The following EVI5L variants were observed in gnomAD, a reference collection of about 807,000 sequenced individuals.
EVI5L encodes ecotropic viral integration site 5 like.
In EVI5L, 30 loss-of-function variants were observed where a neutral mutation model predicts 106.1. The observed-to-expected ratio is 0.28, with a 90% CI of 0.21 to 0.38. EVI5L has a LOEUF of 0.38. Among genes scored for constraint, EVI5L ranks in the 10% least tolerant of loss-of-function variants. The pLI is 1.00. For missense variants in EVI5L, 809 were observed against 1,098.0 expected (o/e 0.74, Z 3.72); for synonymous variants, 489 against 483.3 (o/e 1.01, Z -0.15).
chr19:7,847,175 T>G (rs567231166), intron 2 of EVI5L, among the ~76,000 whole-genome samples: 1 of 152,040 alleles, frequency 6.6e-6, no homozygotes, highest in Non-Finnish European at 1.5e-5. Flanking sequence ...GCCTGTAATC[T>G]CAGCTACTTG....
At position 7,845,965 on chromosome 19, in the gene EVI5L, C is replaced by T. The variant is rs754366747; in HGVS notation, c.-47-531C>T. ...TTGGCAGCGCCAGACAATTAACAGTCGAAAGTAATTGCTCTTGGCCGTGCC... is the reference window on the plus strand; with the variant it reads ...TTGGCAGCGCCAGACAATTAACAGTTGAAAGTAATTGCTCTTGGCCGTGCC... On this transcript the variant is annotated intron_variant, in intron 1 of 19. Coordinates refer to ENST00000538904, the MANE Select transcript of EVI5L (RefSeq NM_001159944.3). The surrounding 1 kb of genome is among the most constrained non-coding windows in gnomAD (Gnocchi z 4.0). Among the ~76,000 whole-genome samples the T allele has an allele frequency of 2.0e-5, 3 of 152,204 alleles. No homozygotes were observed. The highest frequency in any genetic ancestry group is 2.9e-5 in the Non-Finnish European group (2 of 68,040).
In EVI5L at chr19:7,858,700, A is replaced by G; in HGVS notation, c.1374+369A>G. ...CTTGCCTGTCCCCAGGGTCTGAAGG[A>G]TTGTTAGGTGTCCCTGGGGGGCCAG... On this transcript the variant is annotated intron_variant, in intron 13 of 19. Transcript: ENST00000538904. This position sits in a 1 kb window ranked among gnomAD's most constrained non-coding sequence, Gnocchi z 5.7. 1 of 238,324 alleles carries G rather than the reference A, an allele frequency of 4.2e-6. No individual in the cohort carries two copies. Among genetic ancestry groups the G allele is most frequent in the Non-Finnish European group, 8.2e-6 (1 of 121,892 alleles). 14.8% of individuals were successfully genotyped at this position (238,324 alleles called of 1,614,324 possible).
At chr19:7,833,369 A>C (rs1978302845) in intron 1 of EVI5L, among the ~76,000 whole-genome samples, 1 of 152,248 alleles carries the variant, frequency 6.6e-6, no homozygotes. Context: ...CATGCCAAGC[A>C]CCATTGACAT....
At position 7,864,504 on chromosome 19, in the gene EVI5L, T is replaced by C. The variant is rs1205535418; in HGVS notation, c.*802T>C. 1 of 152,344 alleles carries C rather than the reference T, an allele frequency of 6.6e-6. No individual in the cohort carries two copies. The highest frequency in any genetic ancestry group is 1.9e-4 in the East Asian group (1 of 5,170). The allele number at this position is 152,344 out of a possible 1,614,324, so 9.4% of individuals were successfully genotyped here. On this transcript the variant is annotated 3_prime_UTR_variant, in exon 20 of 20. Coordinates refer to ENST00000538904, the MANE Select transcript of EVI5L (RefSeq NM_001159944.3). This position sits in a 1 kb window ranked among gnomAD's most constrained non-coding sequence, Gnocchi z 4.5. The stretch of plus-strand genomic sequence containing the variant: ...TCTCTACAGGGGTCCTCGGTCTCCA[T>C]CTACTTCCCTTTCTTCATGTGTTTC...
At chr19:7,839,928 A>T (rs887898739) in intron 1 of EVI5L, among the ~76,000 whole-genome samples, 9 of 152,192 alleles carry the variant, frequency 5.9e-5, no homozygotes, top group Non-Finnish European at 1.3e-4. Context: ...ACAAAAAGAC[A>T]GCAGCTTCCA....
chr19:7,851,523 G>A lies in EVI5L; in HGVS notation c.843G>A (p.Leu281=). The change falls in exon 7 of 20, where the codon CTG becomes CTA. Residue 281 remains leucine (L), a synonymous_variant. Coordinates refer to ENST00000538904, the MANE Select transcript of EVI5L (RefSeq NM_001159944.3). ...CGTCCTGGTTCCTCACACTGTTCCT[G>A]ACCACCTTCCCACTCCCCGTCGCCA... ...YASSWFLTLF[L]TTFPLPVATR... 6.2e-7 allele frequency: 1 copy of A among 1,613,182 alleles called. No individual in the cohort carries two copies. The highest frequency in any genetic ancestry group is 8.5e-7 in the Non-Finnish European group (1 of 1,179,656).
intron 10 of EVI5L, among the ~76,000 whole-genome samples, chr19:7,855,281 A>G (rs1002989506): frequency 1.3e-5 from 2 of 151,676 alleles, no homozygotes; most frequent in Admixed American, 6.6e-5. Context: ...ACGCCTGGCT[A>G]ATCTTTGTGT....
Position 7,857,991 on chromosome 19 carries a change from A to G in EVI5L, c.1234-200A>G. Reference sequence around the variant, plus strand: ...AGCTCTGTTCCTCCCGGGCTCCTCCAGGTGTCCTATTCCTGCCTGTCACCC... The same window carrying G: ...AGCTCTGTTCCTCCCGGGCTCCTCCGGGTGTCCTATTCCTGCCTGTCACCC... On this transcript the variant is annotated intron_variant, in intron 12 of 19. Transcript: ENST00000538904. The surrounding 1 kb of genome is among the most constrained non-coding windows in gnomAD (Gnocchi z 4.5). 1.7e-6 allele frequency: 1 copy of G among 596,812 alleles called. No individual in the cohort carries two copies. Among genetic ancestry groups the G allele is most frequent in the South Asian group, 2.0e-5 (1 of 49,304 alleles). The allele number at this position is 596,812 out of a possible 1,614,324, so 37.0% of individuals were successfully genotyped here.
In EVI5L at chr19:7,857,134, C is replaced by T. The variant is rs1471514171; in HGVS notation, c.1233+10C>T. The stretch of plus-strand genomic sequence containing the variant: ...TGATAGGTTAATCCAGGTACTGTAG[C>T]TTTTTATCCCCTCTCCGGATTCCTT... On this transcript the variant is annotated intron_variant, in intron 12 of 19. Coordinates refer to ENST00000538904, the MANE Select transcript of EVI5L (RefSeq NM_001159944.3). The surrounding 1 kb of genome is among the most constrained non-coding windows in gnomAD (Gnocchi z 4.5). The T allele has an allele frequency of 1.9e-6, 3 of 1,551,692 alleles. No homozygotes were observed. The South Asian group carries it at 3.6e-5, about 18-fold the overall frequency.
At chr19:7,849,407 A>G in intron 5 of EVI5L, 77 bp downstream of exon 5, 6 of 1,497,026 alleles carry the variant, frequency 4.0e-6, no homozygotes, top group Non-Finnish European at 5.5e-6. Flanking sequence ...GATGGACAGA[A>G]GTGGCGTGTC....
At position 7,863,052 on chromosome 19, in the gene EVI5L, C is replaced by A; in HGVS notation, c.2028C>A (p.Ala676=). The change falls in exon 18 of 20, where the codon GCC becomes GCA. Residue 676 remains alanine, a synonymous_variant. Coordinates refer to ENST00000538904, the MANE Select transcript of EVI5L (RefSeq NM_001159944.3). The surrounding 1 kb of genome is among the most constrained non-coding windows in gnomAD (Gnocchi z 7.7). Reference sequence around the variant, plus strand: ...TGGCCGAGATGCGGCAGCGCATTGCCGAGCTGGAGATCCAGGTGATCGGCG... The same window carrying A: ...TGGCCGAGATGCGGCAGCGCATTGCAGAGCTGGAGATCCAGGTGATCGGCG... ...AAVAEMRQRI[A]ELEIQREEGR... The A allele has an allele frequency of 6.4e-7, 1 of 1,562,720 alleles. No homozygotes were observed.
chr19:7,862,840 C>T, intron 17 of EVI5L, 132 bp from the exon 18 acceptor site: 1 of 557,888 alleles, frequency 1.8e-6, no homozygotes, highest in Non-Finnish European at 2.9e-6. Context: ...CCCGCCCCTG[C>T]CCGCGGTCCT....
intron 1 of EVI5L, among the ~76,000 whole-genome samples, chr19:7,843,141 GGT>G (rs901161347): frequency 5.9e-5 from 8 of 136,672 alleles, no homozygotes; most frequent in Non-Finnish European, 4.7e-5. Context: ...TGTGTGTATA[GGT>G]GTGTGAGCGA....
rs1980031352 is a variant in EVI5L at position 7,864,595 on chromosome 19, C to T, written c.*893C>T. ...CTTCCCAGCGAGCGGCCTCCCCTCA[C>T]TTCCTCCTGGTGGTCCCGTTGTCTC... On this transcript the variant is annotated 3_prime_UTR_variant, in exon 20 of 20. Coordinates refer to ENST00000538904, the MANE Select transcript of EVI5L (RefSeq NM_001159944.3). The surrounding 1 kb of genome is among the most constrained non-coding windows in gnomAD (Gnocchi z 4.5). 2 of 152,498 alleles carry T rather than the reference C, an allele frequency of 1.3e-5. No individual in the cohort carries two copies. Among genetic ancestry groups the T allele is most frequent in the African/African-American group, 4.8e-5 (2 of 41,432 alleles). The allele number at this position is 152,498 out of a possible 1,614,324, so 9.4% of individuals were successfully genotyped here.
Position 7,861,727 on chromosome 19 carries a change from TC to T in EVI5L, c.1504-147del, listed in dbSNP as rs1026905148. 4.3e-5 allele frequency: 44 copies of T among 1,031,306 alleles called. No individual in the cohort carries two copies. In the African/African-American group the frequency reaches 6.3e-4, roughly 15 times the overall value. 63.9% of individuals were successfully genotyped at this position (1,031,306 alleles called of 1,614,324 possible). ...AACCGGGTTCCACAGGCGAGTCCGC[TC>T]CCCGTGGGCCTTGTCAAGGGGGTCG... On this transcript the variant is annotated intron_variant, in intron 14 of 19. Transcript: ENST00000538904.
intron 1 of EVI5L, among the ~76,000 whole-genome samples, chr19:7,833,384 T>G (rs1978302985): frequency 6.6e-6 from 1 of 152,236 alleles, no homozygotes; most frequent in African/African-American, 2.4e-5. Context: ...TGACATATTA[T>G]CTCATTTAAT....
At chr19:7,843,497 G>T (rs1238632607) in intron 1 of EVI5L, among the ~76,000 whole-genome samples, 1 of 146,148 alleles carries the variant, frequency 6.8e-6, no homozygotes, top group Non-Finnish European at 1.5e-5. Context: ...GTGTGCATGT[G>T]TATAGGTGTA....
intron 14 of EVI5L, among the ~76,000 whole-genome samples, chr19:7,861,305 C>G (rs1979790359): frequency 6.6e-6 from 1 of 152,262 alleles, no homozygotes; most frequent in Admixed American, 6.5e-5. Flanking sequence ...CCCTCCACTT[C>G]ATAGGGAAGT....
chr19:7,860,411 G>C, intron 13 of EVI5L, 150 bp from the exon 14 acceptor site: 1 of 604,692 alleles, frequency 1.7e-6, no homozygotes, highest in South Asian at 2.1e-5. Flanking sequence ...TAGGCCCTGA[G>C]CATCAGGGGG....
Sources: allele counts gnomAD v4.1 joint callset (sites outside exome capture counted in the v4.1 genomes callset), GRCh38; gene constraint gnomAD v4.1.1; non-coding constraint Gnocchi (gnomAD v3.1); transcripts MANE v1.5; gene names NCBI Gene and HGNC (gene_info 2026-07-23, HGNC 2026-07-21).